Variants in LHFPL4 observed in about 807,000 individuals in gnomAD.
The protein encoded by LHFPL4 is LHFPL tetraspan subfamily member 4 protein.
A neutral mutation model predicts 20.0 loss-of-function variants in LHFPL4; 6 were observed. That is an observed-to-expected ratio of 0.30 (90% CI 0.16 to 0.59). LHFPL4 has a LOEUF of 0.59. Among genes scored for constraint, LHFPL4 ranks in the 20% least tolerant of loss-of-function variants. The probability of loss-of-function intolerance (pLI) is 0.88; values close to 1 mark genes in which losing one functional copy is unlikely to be tolerated. For synonymous variants in LHFPL4, 129 were observed against 143.8 expected, an observed-to-expected ratio of 0.90 and a Z score of 0.74; for missense variants, 215 against 331.2, an observed-to-expected ratio of 0.65 and a Z score of 2.72.
At chr3:9,525,424 ACTCACCTGTCTGTCG>A (rs1398604224) in intron 2 of LHFPL4, among the ~76,000 whole-genome samples, 4 of 152,096 alleles carry the variant, frequency 2.6e-5, no homozygotes, top group African/African-American at 9.7e-5. Flanking sequence ...GATTCTCTGC[ACTCACCTGTCTGTCG>A]CTCCAATTTT....
chr3:9,522,373 G>A (rs554503297), intron 2 of LHFPL4, among the ~76,000 whole-genome samples: 3 of 152,292 alleles, frequency 2.0e-5, no homozygotes, highest in South Asian at 4.1e-4. Context: ...GCGTGCGTGT[G>A]TGTATGTGTA....
chr3:9,510,227 G>A (rs1268003208), intron 2 of LHFPL4, among the ~76,000 whole-genome samples: 1 of 152,024 alleles, frequency 6.6e-6, no homozygotes, highest in Non-Finnish European at 1.5e-5. Context: ...GAGGTGGGAG[G>A]ATCACTTGAG....
chr3:9,519,383 C>A, intron 2 of LHFPL4, among the ~76,000 whole-genome samples: 1 of 152,082 alleles, frequency 6.6e-6, no homozygotes, highest in East Asian at 1.9e-4. Flanking sequence ...CCTCTTTATT[C>A]ATTTCTGATG....
At chr3:9,532,034 T>C (rs1437294627) in intron 2 of LHFPL4, among the ~76,000 whole-genome samples, 1 of 152,172 alleles carries the variant, frequency 6.6e-6, no homozygotes, top group East Asian at 1.9e-4. Context: ...TTTTTAGTTG[T>C]TGTGGTTTTG....
chr3:9,507,746 T>TA (rs1036126148), intron 2 of LHFPL4, among the ~76,000 whole-genome samples: 1 of 152,110 alleles, frequency 6.6e-6, no homozygotes. Context: ...GCCTAGTGGA[T>TA]GAGACCCAAG....
chr3:9,514,730 C>T, intron 2 of LHFPL4, among the ~76,000 whole-genome samples: 1 of 152,218 alleles, frequency 6.6e-6, no homozygotes, highest in East Asian at 1.9e-4. Context: ...TTTGCCTTTT[C>T]CAGAATGTCA....
intron 3 of LHFPL4, among the ~76,000 whole-genome samples, chr3:9,503,976 T>A (rs542862678): frequency 2.3e-3 from 353 of 151,918 alleles, no homozygotes; most frequent in Non-Finnish European, 3.6e-3. Flanking sequence ...CAGTGAGCTA[T>A]GATTGCACCA....
chr3:9,547,696 C>G (rs997842046), intron 2 of LHFPL4, among the ~76,000 whole-genome samples: 3 of 152,214 alleles, frequency 2.0e-5, no homozygotes, highest in African/African-American at 7.2e-5. Context: ...TGCCTCTCTA[C>G]TTAGTTAGCA....
intron 2 of LHFPL4, among the ~76,000 whole-genome samples, chr3:9,539,629 A>G (rs2046465407): frequency 7.7e-6 from 1 of 130,222 alleles, no homozygotes; most frequent in African/African-American, 3.0e-5. Flanking sequence ...TGCTTATAGT[A>G]AAAAGAAAAT....
At chr3:9,522,414 C>G (rs1437674837) in intron 2 of LHFPL4, among the ~76,000 whole-genome samples, 1 of 152,036 alleles carries the variant, frequency 6.6e-6, no homozygotes, top group Non-Finnish European at 1.5e-5. Context: ...CTATTTTAAA[C>G]AAACTGTTAT....
intron 2 of LHFPL4, among the ~76,000 whole-genome samples, chr3:9,536,522 C>T (rs1308111840): frequency 6.6e-6 from 1 of 152,178 alleles, no homozygotes; most frequent in Non-Finnish European, 1.5e-5. Flanking sequence ...TTCTCTCCAT[C>T]TCCACTGCTA....
At chr3:9,508,818 G>A (rs569791172) in intron 2 of LHFPL4, among the ~76,000 whole-genome samples, 29 of 152,110 alleles carry the variant, frequency 1.9e-4, no homozygotes, top group Non-Finnish European at 3.2e-4. Context: ...CCCCGCCCTC[G>A]GAGTCCCCAG....
intron 2 of LHFPL4, chr3:9,550,954 A>ACACCTTGGCTGTCACTT (rs2046549158): frequency 6.6e-6 from 1 of 152,222 alleles, no homozygotes; most frequent in Non-Finnish European, 1.5e-5. Flanking sequence ...CTTTGTCCTC[A>ACACCTTGGCTGTCACTT]CACCTTGGCT....
intron 2 of LHFPL4, among the ~76,000 whole-genome samples, chr3:9,525,932 C>T (rs1335594470): frequency 6.6e-6 from 1 of 152,092 alleles, no homozygotes; most frequent in Non-Finnish European, 1.5e-5. Context: ...TCTTAACTAC[C>T]TCTCTTTTTC....
intron 2 of LHFPL4, among the ~76,000 whole-genome samples, chr3:9,520,996 G>C (rs1161282310): frequency 6.6e-6 from 1 of 152,102 alleles, no homozygotes; most frequent in East Asian, 1.9e-4. Flanking sequence ...ATTTCTGATA[G>C]AGAGGTCTCG....
At position 9,499,735 on chromosome 3, in the gene LHFPL4, T is replaced by C. The variant is rs2046157231; in HGVS notation, c.*2476A>G. ...CCCCCGCACCAGGGCACAGGTTTGG[T>C]GGGTGTCCTTGGGGAACAAGGTGTG... is the stretch of plus-strand genomic sequence containing the variant. On this transcript the variant is annotated 3_prime_UTR_variant, in exon 4 of 4. Transcript: ENST00000287585. The C allele has an allele frequency of 6.6e-6, 1 of 152,004 alleles. No individual in the cohort carries two copies. Among genetic ancestry groups the C allele is most frequent in the Non-Finnish European group, 1.5e-5 (1 of 68,084 alleles). 9.4% of individuals were successfully genotyped at this position (152,004 alleles called of 1,614,324 possible). A position where few individuals can be genotyped will look rare whatever the true frequency, so the allele number is the denominator to read the frequency against.
intron 2 of LHFPL4, among the ~76,000 whole-genome samples, chr3:9,514,972 G>T (rs960226833): frequency 6.6e-6 from 1 of 152,162 alleles, no homozygotes; most frequent in Non-Finnish European, 1.5e-5. Flanking sequence ...TATCTATGTG[G>T]AGGTTTTGGT....
In LHFPL4 at chr3:9,502,326, G is replaced by A. The variant is rs375906196; in HGVS notation, c.644-15C>T. The A allele has an allele frequency of 3.2e-6, 5 of 1,555,438 alleles. No individual in the cohort carries two copies. The highest frequency in any genetic ancestry group is 3.5e-6 in the Non-Finnish European group (4 of 1,127,050). ...GCCCACAAAATCTAAGAGAGAGAGA[G>A]AGAGAGAGAAGGAGAGAGAATTAGA... On this transcript the variant is annotated splice_polypyrimidine_tract_variant and intron_variant, in intron 3 of 3. Coordinates refer to ENST00000287585, the MANE Select transcript of LHFPL4 (RefSeq NM_198560.3).
chr3:9,512,556 T>C (rs2046268286), intron 2 of LHFPL4, among the ~76,000 whole-genome samples: 1 of 152,234 alleles, frequency 6.6e-6, no homozygotes, highest in African/African-American at 2.4e-5. Flanking sequence ...TATCTATTCA[T>C]CCCTTCTTCC....
Sources: allele counts gnomAD v4.1 joint callset (sites outside exome capture counted in the v4.1 genomes callset), GRCh38; gene constraint gnomAD v4.1.1; transcripts MANE v1.5; gene names NCBI Gene and HGNC (gene_info 2026-07-23, HGNC 2026-07-21).